MARCHF10: variants seen among roughly 807,000 people sequenced by gnomAD.
The protein encoded by MARCHF10 is membrane associated ring-CH-type finger 10.
In MARCHF10, 64 loss-of-function variants were observed where a neutral mutation model predicts 76.2. The ratio of observed to expected loss-of-function variants is 0.84; its 90% CI spans 0.69 to 1.03. The LOEUF is 1.03. MARCHF10 is among the 50% of genes least tolerant of loss of function. The probability of loss-of-function intolerance (pLI) is 0.00; values close to 1 mark genes in which losing one functional copy is unlikely to be tolerated. For missense variants in MARCHF10, 875 were observed against 958.0 expected, an observed-to-expected ratio of 0.91 and a Z score of 1.14; for synonymous variants, 340 against 357.5, an observed-to-expected ratio of 0.95 and a Z score of 0.55.
intron 3 of MARCHF10, among the ~76,000 whole-genome samples, chr17:62,768,694 T>A (rs1301381564): frequency 1.3e-5 from 2 of 152,204 alleles, no homozygotes; most frequent in African/African-American, 4.8e-5. Flanking sequence ...TCTCTTTTTA[T>A]ATATAGTCTT....
At chr17:62,794,057 T>C (rs1373359959) in intron 2 of MARCHF10, among the ~76,000 whole-genome samples, 86 of 96,540 alleles carry the variant, frequency 8.9e-4, no homozygotes, top group African/African-American at 3.0e-3. Flanking sequence ...ATAACCACCA[T>C]CACCACCTCC....
chr17:62,797,792 T>G (rs527651983), intron 2 of MARCHF10, among the ~76,000 whole-genome samples: 2 of 152,320 alleles, frequency 1.3e-5, no homozygotes, highest in Non-Finnish European at 2.9e-5. Flanking sequence ...ATGGCAGGAC[T>G]GGATGCTAGG....
Position 62,725,064 on chromosome 17 carries a change from G to A in MARCHF10, c.1978C>T (p.Arg660Cys), listed in dbSNP as rs750310027. Residue 660 changes from arginine (R) to cysteine (C), a missense_variant, in exon 7 of 11, where the codon CGC becomes TGC. Physicochemically the swap from Arg to Cys is radical, Grantham distance 180 (BLOSUM62 -3). Transcript: ENST00000311269. ...EDSEEEGDLC[R>C]ICQIAGGSPS... ...GAACCCCCGGCTATCTGACAGATGCGACACAAGTCTCCCTCCTCCTCGGAG... is the reference window on the plus strand; with the variant it reads ...GAACCCCCGGCTATCTGACAGATGCAACACAAGTCTCCCTCCTCCTCGGAG... 31 of 1,604,676 alleles carry A rather than the reference G, an allele frequency of 1.9e-5. No individual in the cohort carries two copies. Among genetic ancestry groups the A allele is most frequent in the South Asian group, 2.2e-5 (2 of 89,190 alleles).
chr17:62,783,194 G>GTTTT (rs201262979), intron 3 of MARCHF10, among the ~76,000 whole-genome samples: 72 of 71,366 alleles, frequency 1.0e-3, no homozygotes, highest in African/African-American at 4.6e-3. Flanking sequence ...AAAATTGCCA[G>GTTTT]TTTTTTTTTT....
chr17:62,756,896 A>C (rs2092059802), intron 4 of MARCHF10, among the ~76,000 whole-genome samples: 2 of 152,244 alleles, frequency 1.3e-5, no homozygotes, highest in Non-Finnish European at 1.5e-5. Flanking sequence ...AAGCAGTTTC[A>C]TGGACTATAC....
intron 2 of MARCHF10, among the ~76,000 whole-genome samples, chr17:62,794,350 A>C (rs1382669713): frequency 6.6e-6 from 1 of 152,216 alleles, no homozygotes; most frequent in Non-Finnish European, 1.5e-5. Context: ...TGCTGTTCTC[A>C]ATCCCATTTC....
At position 62,737,085 on chromosome 17, in the gene MARCHF10, T is replaced by C. The variant is rs1360878395; in HGVS notation, c.783A>G (p.Val261=). The change falls in exon 6 of 11, where the codon GTA becomes GTG. Residue 261 remains valine (V), a synonymous_variant. Transcript: ENST00000311269. ...FSGPPLTPTT[V]GGPRKASFRF... ...TAAATGATGCCTTTCTTGGCCCTCC[T>C]ACAGTGGTGGGTGTGAGTGGTGGCC... The C allele has an allele frequency of 6.2e-7, 1 of 1,614,164 alleles. No homozygotes were observed. Among genetic ancestry groups the C allele is most frequent in the Non-Finnish European group, 8.5e-7 (1 of 1,180,030 alleles).
At chr17:62,706,473 A>G (rs1425873640) in intron 9 of MARCHF10, 2 of 152,124 alleles carry the variant, frequency 1.3e-5, no homozygotes, top group Non-Finnish European at 2.9e-5. Context: ...CATCTTGGTG[A>G]GTGGGAAGTT....
At position 62,795,424 on chromosome 17, in the gene MARCHF10, A is replaced by G. The variant is rs189080238; in HGVS notation, c.90+6222T>C. On this transcript the variant is annotated intron_variant, in intron 2 of 10. Coordinates refer to ENST00000311269, the MANE Select transcript of MARCHF10 (RefSeq NM_152598.4). ...TGAAAATCCTTGAAGCAATAAAGCC[A>G]AATTCTGAGATGGCATATAATTATA... 1.7e-3 allele frequency among the ~76,000 whole-genome samples: 256 copies of G among 151,870 alleles called. 1 individual carries two copies. Among genetic ancestry groups the G allele is most frequent in the African/African-American group, 6.0e-3 (249 of 41,338 alleles).
At chr17:62,729,002 C>CTA (rs2090891213) in intron 6 of MARCHF10, among the ~76,000 whole-genome samples, 2 of 152,180 alleles carry the variant, frequency 1.3e-5, no homozygotes, top group South Asian at 4.1e-4. Context: ...GTGGCAAGAT[C>CTA]TTGGCTCACT....
intron 4 of MARCHF10, among the ~76,000 whole-genome samples, chr17:62,752,611 C>T (rs2091929194): frequency 6.7e-6 from 1 of 149,412 alleles, no homozygotes; most frequent in Non-Finnish European, 1.5e-5. Flanking sequence ...GCCCTCAAGC[C>T]CACTCCCTCT....
At chr17:62,714,158 C>G (rs1045373479) in intron 8 of MARCHF10, among the ~76,000 whole-genome samples, 1 of 152,238 alleles carries the variant, frequency 6.6e-6, no homozygotes, top group Non-Finnish European at 1.5e-5. Flanking sequence ...CTGAGGCCCA[C>G]TGAGACTCTC....
At chr17:62,793,863 GTCCATCAACCACCACCACCACCACA>G (rs1568221705) in intron 2 of MARCHF10, among the ~76,000 whole-genome samples, 1 of 70,490 alleles carries the variant, frequency 1.4e-5, no homozygotes, top group East Asian at 4.7e-4. Context: ...CCACTACCAC[GTCCATCAACCACCACCACCACCACA>G]TCCATCAACC....
intron 3 of MARCHF10, among the ~76,000 whole-genome samples, chr17:62,781,598 T>G (rs1489612484): frequency 6.6e-6 from 1 of 152,238 alleles, no homozygotes; most frequent in Non-Finnish European, 1.5e-5. Context: ...ATCCAACTGC[T>G]GCATAACCAG....
At chr17:62,732,720 C>A (rs561510518) in intron 6 of MARCHF10, among the ~76,000 whole-genome samples, 2 of 152,038 alleles carry the variant, frequency 1.3e-5, no homozygotes, top group South Asian at 4.1e-4. Context: ...GGGCCGGGCA[C>A]GGTGGTTCAA....
intron 1 of MARCHF10, chr17:62,804,988 C>T (rs796872083): frequency 6.6e-6 from 1 of 152,182 alleles, no homozygotes; most frequent in African/African-American, 2.4e-5. Context: ...GCCCCGGACT[C>T]ATGGTGACCC....
chr17:62,783,194 G>GGTT (rs2092690242), intron 3 of MARCHF10, among the ~76,000 whole-genome samples: 1 of 71,382 alleles, frequency 1.4e-5, no homozygotes. Context: ...AAAATTGCCA[G>GGTT]TTTTTTTTTT....
rs1470700352 is a variant in MARCHF10 at position 62,722,583 on chromosome 17, C to T, written c.2119G>A (p.Ala707Thr). Residue 707 changes from alanine to threonine, a missense_variant, in exon 8 of 11, where the codon GCC (alanine) becomes ACC (threonine). Transcript: ENST00000311269. ...TTACACATCTCACAGGTCTTCACGG[C>T]ACCAAGATCTGCTCCTTAAATTGGA... ...VKITSGADLG[A>T]VKTCEMCKQG... 6.2e-7 allele frequency: 1 copy of T among 1,613,466 alleles called. No homozygotes were observed. Among genetic ancestry groups the T allele is most frequent in the Non-Finnish European group, 8.5e-7 (1 of 1,179,808 alleles).
At chr17:62,798,805 A>G (rs1271574652) in intron 2 of MARCHF10, among the ~76,000 whole-genome samples, 2 of 152,216 alleles carry the variant, frequency 1.3e-5, no homozygotes, top group Non-Finnish European at 2.9e-5. Context: ...GACTGAGCCA[A>G]CAAGAAAGGA....
Sources: gnomAD v4.1 joint callset for allele counts (sites outside exome capture counted in the v4.1 genomes callset) on GRCh38, gnomAD v4.1.1 for gene constraint, MANE v1.5 for transcripts, NCBI Gene and HGNC (gene_info 2026-07-23, HGNC 2026-07-21) for gene names.